The following CREBRF variants were observed in gnomAD, a reference collection of about 807,000 sequenced individuals.
The protein encoded by CREBRF is UPF0474 protein C5orf41.
In CREBRF, 5 loss-of-function variants were observed where a neutral mutation model predicts 66.1. That is an observed-to-expected ratio of 0.08 (90% confidence interval 0.04 to 0.16). The LOEUF (loss-of-function observed/expected upper bound fraction) is 0.16. Among genes scored for constraint, CREBRF ranks in the 10% least tolerant of loss-of-function variants. CREBRF has a pLI of 1.00. For missense variants in CREBRF, 531 were observed against 744.9 expected, an observed-to-expected ratio of 0.71 and a Z score of 3.34; for synonymous variants, 229 against 264.4, an observed-to-expected ratio of 0.87 and a Z score of 1.30.
In CREBRF at chr5:173,090,843, A is replaced by C. The variant is rs1293364350; in HGVS notation, c.664A>C (p.Asn222His). 6.2e-7 allele frequency: 1 copy of C among 1,614,074 alleles called. No homozygotes were observed. The highest frequency in any genetic ancestry group is 8.5e-7 in the Non-Finnish European group (1 of 1,180,042). ...QIMVKTNMYH[N>H]EKVNFHVECK... ...CATGGTGAAGACCAACATGTATCAT[A>C]ATGAAAAGGTGAACTTTCATGTTGA... The change falls in exon 4 of 9, where the codon AAT (asparagine) becomes CAT (histidine). Residue 222 changes from asparagine (N) to histidine (H), a missense_variant. This residue lies in a region of CREBRF where 309 missense variants were observed against 341.4 expected (regional missense o/e 0.90). Transcript: ENST00000296953. The surrounding 1 kb of genome is among the most constrained non-coding windows in gnomAD (Gnocchi z 4.5).
At chr5:173,058,181 T>TATGA (rs1488396767) in intron 1 of CREBRF, among the ~76,000 whole-genome samples, 1 of 152,212 alleles carries the variant, frequency 6.6e-6, no homozygotes, top group Non-Finnish European at 1.5e-5. Flanking sequence ...GGAAAAATGG[T>TATGA]ATGAATAATT....
intron 1 of CREBRF, among the ~76,000 whole-genome samples, chr5:173,061,971 C>T (rs1439583942): frequency 6.6e-6 from 1 of 152,108 alleles, no homozygotes; most frequent in East Asian, 1.9e-4. Context: ...AATATATTGA[C>T]CTTTATGAAC....
In CREBRF at chr5:173,123,172, A is replaced by C; in HGVS notation, c.1774A>C (p.Lys592Gln). 1 of 1,602,004 alleles carries C rather than the reference A, an allele frequency of 6.2e-7. No individual in the cohort carries two copies. The highest frequency in any genetic ancestry group is 8.5e-7 in the Non-Finnish European group (1 of 1,177,152). ...TGAGAGAGGACCCAACATGGGGCAGAAGCTTGAAATCCTCATTAAAGATAC... is the reference window on the plus strand; with the variant it reads ...TGAGAGAGGACCCAACATGGGGCAGCAGCTTGAAATCCTCATTAAAGATAC... ...RDERGPNMGQKLEILIKDTLG... is the reference protein window; with the variant it reads ...RDERGPNMGQQLEILIKDTLG... Residue 592 changes from lysine (K) to glutamine (Q), a missense_variant, in exon 8 of 9, where the codon AAG becomes CAG. Lys to Gln is a moderately conservative substitution (Grantham distance 53). Transcript: ENST00000296953.
chr5:173,091,724 G>A, intron 4 of CREBRF: 2 of 1,027,438 alleles, frequency 1.9e-6, no homozygotes, highest in Non-Finnish European at 2.3e-6. Context: ...CTTATGTTAA[G>A]TGACCTGTTT....
chr5:173,072,380 A>G (rs1375750597), intron 1 of CREBRF, among the ~76,000 whole-genome samples: 3 of 151,840 alleles, frequency 2.0e-5, no homozygotes, highest in Non-Finnish European at 4.4e-5. Context: ...GGTTCATGCC[A>G]TTCTCCTGCC....
intron 7 of CREBRF, among the ~76,000 whole-genome samples, chr5:173,117,640 TCTCTC>T (rs1280598221): frequency 3.0e-5 from 2 of 66,460 alleles, no homozygotes; most frequent in African/African-American, 4.6e-5. Context: ...CCTCCCTCCT[TCTCTC>T]CTCTCTCTCT....
chr5:173,136,666 A>G lies in CREBRF; in HGVS notation c.*2921A>G, dbSNP rs1030758019. On this transcript the variant is annotated 3_prime_UTR_variant, in exon 9 of 9. Coordinates refer to ENST00000296953, the MANE Select transcript of CREBRF (RefSeq NM_153607.3). ...ATGCCAGTAATAATCTGCTTCCTCT[A>G]TTGTCATTAAAATATATACGTTTAG... 3 of 152,404 alleles carry G rather than the reference A, an allele frequency of 2.0e-5. No individual in the cohort carries two copies. The highest frequency in any genetic ancestry group is 4.1e-4 in the South Asian group (2 of 4,832). The allele number at this position is 152,404 out of a possible 1,614,324, so 9.4% of individuals were successfully genotyped here.
At chr5:173,077,323 C>A (rs1042444343) in intron 1 of CREBRF, among the ~76,000 whole-genome samples, 2 of 152,112 alleles carry the variant, frequency 1.3e-5, no homozygotes, top group South Asian at 4.1e-4. Flanking sequence ...CTATTTTAAT[C>A]ATCTTTAGCT....
rs191164000 is a variant in CREBRF, at chr5:173,128,087, A to G, written c.1804+4885A>G. ...ATTTTTTTCTTTTTATTCTTTCTTGACCATTCATATAAATAACAGCCTTTG... is the reference window on the plus strand; with the variant it reads ...ATTTTTTTCTTTTTATTCTTTCTTGGCCATTCATATAAATAACAGCCTTTG... On this transcript the variant is annotated intron_variant, in intron 8 of 8. Coordinates refer to ENST00000296953, the MANE Select transcript of CREBRF (RefSeq NM_153607.3). Among the ~76,000 whole-genome samples the G allele has an allele frequency of 3.9e-5, 6 of 152,138 alleles. No individual in the cohort carries two copies. In the East Asian group the frequency reaches 9.6e-4, roughly 24 times the overall value.
chr5:173,085,410 A>G, intron 2 of CREBRF: 2 of 949,866 alleles, frequency 2.1e-6, no homozygotes, highest in East Asian at 2.5e-5. Context: ...CGTCAAATAC[A>G]TTCTTTTTTT....
intron 1 of CREBRF, among the ~76,000 whole-genome samples, chr5:173,063,164 A>G (rs147434548): frequency 2.5e-4 from 38 of 152,214 alleles, no homozygotes; most frequent in African/African-American, 8.7e-4. Context: ...TATGCATTTC[A>G]CCAATTTATG....
chr5:173,112,852 G>A (rs1263111749), intron 7 of CREBRF, among the ~76,000 whole-genome samples: 1 of 152,120 alleles, frequency 6.6e-6, no homozygotes, highest in Non-Finnish European at 1.5e-5. Context: ...TCAGACCTGT[G>A]TTTTTCAGAT....
chr5:173,087,924 A>G (rs1758209685), intron 3 of CREBRF, among the ~76,000 whole-genome samples: 1 of 151,726 alleles, frequency 6.6e-6, no homozygotes, highest in Admixed American at 6.6e-5. Flanking sequence ...CCCAGGCTCA[A>G]GCGATTCTCC....
At chr5:173,081,253 A>G (rs2113708419) in intron 2 of CREBRF, among the ~76,000 whole-genome samples, 1 of 152,258 alleles carries the variant, frequency 6.6e-6, no homozygotes, top group South Asian at 2.1e-4. Flanking sequence ...CTATGTGTGC[A>G]CATGTAAATA....
intron 1 of CREBRF, among the ~76,000 whole-genome samples, chr5:173,069,997 C>T (rs536943817): frequency 1.1e-4 from 16 of 151,660 alleles, no homozygotes; most frequent in African/African-American, 3.6e-4. Context: ...CGAGTTCAAG[C>T]GATTCTCATG....
intron 1 of CREBRF, among the ~76,000 whole-genome samples, chr5:173,068,570 A>G (rs1757502694): frequency 6.6e-6 from 1 of 152,156 alleles, no homozygotes; most frequent in Admixed American, 6.6e-5. Context: ...TTTATCTGCC[A>G]TTTCTTTATT....
chr5:173,087,489 A>G (rs1487169692), intron 3 of CREBRF, among the ~76,000 whole-genome samples: 1 of 140,372 alleles, frequency 7.1e-6, no homozygotes, highest in Non-Finnish European at 1.5e-5. Context: ...TGAGGTCAGG[A>G]GATTGAGACC....
intron 1 of CREBRF, among the ~76,000 whole-genome samples, chr5:173,064,589 A>G (rs1237321665): frequency 8.1e-6 from 1 of 122,982 alleles, no homozygotes; most frequent in East Asian, 2.1e-4. Context: ...TTTTTGAGAC[A>G]GAGTCTCGCT....
Position 173,110,467 on chromosome 5 carries a change from G to A in CREBRF, c.1418-55G>A, listed in dbSNP as rs143630388. 256 of 1,289,900 alleles carry A rather than the reference G, an allele frequency of 2.0e-4. 2 individuals carry two copies. The highest frequency in any genetic ancestry group is 1.6e-3 in the African/African-American group (107 of 68,762). 79.9% of individuals were successfully genotyped at this position (1,289,900 alleles called of 1,614,324 possible). On this transcript the variant is annotated intron_variant, in intron 5 of 8. Coordinates refer to ENST00000296953, the MANE Select transcript of CREBRF (RefSeq NM_153607.3). ...GGTTAAAAATGTGGCCGTGAAAAAC[G>A]TGTCTCTTGTTAATTAAAGTGATCT...
Sources: allele counts gnomAD v4.1 joint callset (sites outside exome capture counted in the v4.1 genomes callset), GRCh38; gene constraint gnomAD v4.1.1; regional missense constraint gnomAD v4.1.1; non-coding constraint Gnocchi (gnomAD v3.1); transcripts MANE v1.5; gene names NCBI Gene and HGNC (gene_info 2026-07-23, HGNC 2026-07-21).